ATXN1: variants seen among roughly 807,000 people sequenced by gnomAD.
The protein encoded by ATXN1 is ataxin 1, also known as ataxin-1.
A neutral mutation model predicts 56.4 loss-of-function variants in ATXN1; 8 were observed. The ratio of observed to expected loss-of-function variants is 0.14; its 90% CI spans 0.08 to 0.26. ATXN1 has a LOEUF of 0.26. Among genes scored for constraint, ATXN1 ranks in the 10% least tolerant of loss-of-function variants. The pLI, the probability that ATXN1 is intolerant of heterozygous loss-of-function variation, is 1.00. For synonymous variants in ATXN1, 514 were observed against 494.6 expected, an observed-to-expected ratio of 1.04 and a Z score of -0.52; for missense variants, 987 against 1,106.5, an observed-to-expected ratio of 0.89 and a Z score of 1.53.
At chr6:16,573,700 G>GC in intron 4 of ATXN1, among the ~76,000 whole-genome samples, 1 of 152,228 alleles carries the variant, frequency 6.6e-6, no homozygotes, top group Non-Finnish European at 1.5e-5. Flanking sequence ...CCAATCTCCA[G>GC]CAATGCACAT....
At chr6:16,659,212 A>AT (rs1160652580) in intron 2 of ATXN1, among the ~76,000 whole-genome samples, 1 of 152,150 alleles carries the variant, frequency 6.6e-6, no homozygotes, top group Non-Finnish European at 1.5e-5. Flanking sequence ...AGCCTTTTTT[A>AT]TTTTTTGGAT....
intron 2 of ATXN1, among the ~76,000 whole-genome samples, chr6:16,742,678 C>T (rs975491355): frequency 1.3e-5 from 2 of 152,290 alleles, no homozygotes; most frequent in South Asian, 2.1e-4. Context: ...AGTGCAACTT[C>T]GAGATGAAGT....
chr6:16,718,350 A>G (rs1759679590), intron 2 of ATXN1, among the ~76,000 whole-genome samples: 1 of 152,270 alleles, frequency 6.6e-6, no homozygotes, highest in African/African-American at 2.4e-5. Context: ...CAGGATATGC[A>G]AGGCCAAATG....
intron 6 of ATXN1, among the ~76,000 whole-genome samples, chr6:16,434,558 A>C (rs1174842385): frequency 1.3e-5 from 2 of 152,238 alleles, no homozygotes; most frequent in Non-Finnish European, 2.9e-5. Context: ...TTGATGACTC[A>C]GTGTGTATTA....
intron 6 of ATXN1, among the ~76,000 whole-genome samples, chr6:16,388,977 G>A (rs901679061): frequency 4.6e-5 from 7 of 152,294 alleles, no homozygotes; most frequent in African/African-American, 1.7e-4. Context: ...GACCAATGCT[G>A]TCTTCATTTA....
intron 7 of ATXN1, among the ~76,000 whole-genome samples, chr6:16,314,051 G>A (rs1207642821): frequency 6.6e-6 from 1 of 152,224 alleles, no homozygotes; most frequent in African/African-American, 2.4e-5. Flanking sequence ...GGTGGGAGCG[G>A]AAGATTATTC....
chr6:16,624,463 A>G lies in ATXN1; in HGVS notation c.-489+33313T>C, dbSNP rs1238021963. On this transcript the variant is annotated intron_variant, in intron 3 of 7. Coordinates refer to ENST00000436367, the MANE Select transcript of ATXN1 (RefSeq NM_001128164.2). ...GTACACTTGATGGTGAAGACGGTCA[A>G]TTTTATAGTGTATGCCTTTTGCCAC... is the stretch of plus-strand genomic sequence containing the variant. 3.3e-5 allele frequency among the ~76,000 whole-genome samples: 5 copies of G among 152,234 alleles called. No homozygotes were observed. The East Asian group carries it at 5.8e-4, about 18-fold the overall frequency.
intron 3 of ATXN1, among the ~76,000 whole-genome samples, chr6:16,595,420 G>C (rs1049656111): frequency 2.6e-5 from 4 of 152,206 alleles, no homozygotes; most frequent in African/African-American, 9.6e-5. Context: ...CATGAGTACA[G>C]AATTGGCAAA....
At chr6:16,386,572 A>G (rs1028279575) in intron 6 of ATXN1, among the ~76,000 whole-genome samples, 1 of 152,154 alleles carries the variant, frequency 6.6e-6, no homozygotes, top group Non-Finnish European at 1.5e-5. Flanking sequence ...CTAGAAAGTC[A>G]GGAGAGCAAA....
chr6:16,673,395 G>T (rs965557120), intron 2 of ATXN1, among the ~76,000 whole-genome samples: 1 of 152,072 alleles, frequency 6.6e-6, no homozygotes, highest in Non-Finnish European at 1.5e-5. Context: ...TTATTTTCAT[G>T]CAATGCTGCT....
intron 4 of ATXN1, among the ~76,000 whole-genome samples, chr6:16,572,545 T>C (rs755184459): frequency 6.6e-6 from 1 of 151,952 alleles, no homozygotes; most frequent in African/African-American, 2.4e-5. Flanking sequence ...GTCATAGAGA[T>C]AAAAAAATAT....
At position 16,326,608 on chromosome 6, in the gene ATXN1, G is replaced by T. The variant is rs1303602765; in HGVS notation, c.1703C>A (p.Pro568His). 6.2e-7 allele frequency: 1 copy of T among 1,614,092 alleles called. No homozygotes were observed. The highest frequency in any genetic ancestry group is 8.5e-7 in the Non-Finnish European group (1 of 1,180,032). Reference protein sequence around the residue: ...QSVASPAAAPPTLPPYFMKGS... With the variant: ...QSVASPAAAPHTLPPYFMKGS... ...TTTCATGAAGTAGGGAGGCAGCGTA[G>T]GGGGAGCCGCCGCCGGGGAGGCCAC... Residue 568 changes from proline to histidine, a missense_variant, in exon 7 of 8, where the codon CCT becomes CAT. This residue lies in a region of ATXN1 where 723 missense variants were observed against 791.7 expected (regional missense o/e 0.91). Coordinates refer to ENST00000436367, the MANE Select transcript of ATXN1 (RefSeq NM_001128164.2). The surrounding 1 kb of genome is among the most constrained non-coding windows in gnomAD (Gnocchi z 6.6).
intron 3 of ATXN1, among the ~76,000 whole-genome samples, chr6:16,607,021 G>A (rs188650141): frequency 1.3e-5 from 2 of 152,094 alleles, no homozygotes; most frequent in Admixed American, 1.3e-4. Context: ...CAAGTAGCTG[G>A]GATTACAGGC....
intron 6 of ATXN1, among the ~76,000 whole-genome samples, chr6:16,398,942 G>A (rs1026684772): frequency 6.6e-6 from 1 of 152,200 alleles, no homozygotes; most frequent in African/African-American, 2.4e-5. Flanking sequence ...TGTACAACAT[G>A]GGTCTTTGGG....
intron 6 of ATXN1, among the ~76,000 whole-genome samples, chr6:16,412,401 G>T (rs1191698317): frequency 6.6e-6 from 1 of 152,046 alleles, no homozygotes; most frequent in Non-Finnish European, 1.5e-5. Context: ...TATCTCAGAG[G>T]CCCATTAAAG....
chr6:16,418,191 C>T (rs917610783), intron 6 of ATXN1, among the ~76,000 whole-genome samples: 22 of 152,202 alleles, frequency 1.4e-4, no homozygotes, highest in African/African-American at 5.1e-4. Context: ...CATAACCCTT[C>T]CTACTGAATG....
rs35139131 is a variant in ATXN1 at position 16,618,721 on chromosome 6, CA to C, written c.-488-32815del. Among the ~76,000 whole-genome samples the C allele has an allele frequency of 9.7e-3, 544 of 55,822 alleles. 1 individual carries two copies. Among genetic ancestry groups the C allele is most frequent in the African/African-American group, 0.026 (437 of 16,496 alleles). 36.6% of individuals were successfully genotyped at this position (55,822 alleles called of 152,430 possible). ...TGGGTGGCAGAGCGAGACTCCGTCTCAAAAAAAAAAAAAAAAAGGATTCAAC... is the reference window on the plus strand; with the variant it reads ...TGGGTGGCAGAGCGAGACTCCGTCTCAAAAAAAAAAAAAAAAGGATTCAAC... On this transcript the variant is annotated intron_variant, in intron 3 of 7. Transcript: ENST00000436367.
chr6:16,434,843 C>T (rs1759355163), intron 6 of ATXN1, among the ~76,000 whole-genome samples: 1 of 152,142 alleles, frequency 6.6e-6, no homozygotes, highest in South Asian at 2.1e-4. Flanking sequence ...ACATAAATAC[C>T]TATTTTTATA....
At chr6:16,588,592 T>C (rs921079861) in intron 3 of ATXN1, among the ~76,000 whole-genome samples, 6 of 152,230 alleles carry the variant, frequency 3.9e-5, no homozygotes, top group African/African-American at 7.2e-5. Context: ...CTGGTTATAG[T>C]AGTCATTTTG....
Sources: gnomAD v4.1 joint callset for allele counts (sites outside exome capture counted in the v4.1 genomes callset) on GRCh38, gnomAD v4.1.1 for gene constraint, gnomAD v4.1.1 regional missense constraint, Gnocchi (gnomAD v3.1) non-coding constraint, MANE v1.5 for transcripts, NCBI Gene and HGNC (gene_info 2026-07-23, HGNC 2026-07-21) for gene names.